The following SSBP3 variants were observed in gnomAD, a reference collection of about 807,000 sequenced individuals.
SSBP3 encodes the protein single stranded DNA binding protein 3, also known as single-stranded DNA-binding protein 3.
A neutral mutation model predicts 69.6 loss-of-function variants in SSBP3; 5 were observed. The observed-to-expected ratio is 0.07, with a 90% CI of 0.04 to 0.15. The LOEUF (loss-of-function observed/expected upper bound fraction) is 0.15. SSBP3 is among the 10% of genes least tolerant of loss of function. SSBP3 has a pLI of 1.00. For missense variants in SSBP3, 312 were observed against 534.0 expected (o/e 0.58, Z 4.10); for synonymous variants, 196 against 193.4 (o/e 1.01, Z -0.11).
intron 11 of SSBP3, 31 bp from the exon 12 acceptor site, chr1:54,241,540 C>G (rs1439527591): frequency 2.5e-6 from 4 of 1,612,692 alleles, no homozygotes; most frequent in Non-Finnish European, 3.4e-6. Flanking sequence ...AGCCCCACGT[C>G]AGAGTCACTG....
upstream of SSBP3, among the ~76,000 whole-genome samples, chr1:54,406,571 G>A (rs1271667316): frequency 6.6e-6 from 1 of 151,784 alleles, no homozygotes; most frequent in Non-Finnish European, 1.5e-5. Flanking sequence ...CCTCCGCGGA[G>A]CCGCTGCCTG....
At chr1:54,304,520 G>A (rs1285113653) in intron 4 of SSBP3, among the ~76,000 whole-genome samples, 2 of 152,194 alleles carry the variant, frequency 1.3e-5, no homozygotes, top group Non-Finnish European at 2.9e-5. Flanking sequence ...GGCTGAGTAG[G>A]GAGTTGCAGG....
At chr1:54,318,219 C>T (rs904409293) in intron 4 of SSBP3, among the ~76,000 whole-genome samples, 1 of 152,198 alleles carries the variant, frequency 6.6e-6, no homozygotes, top group Non-Finnish European at 1.5e-5. Flanking sequence ...CCAACAGGAA[C>T]CTTCTGGGAG....
At chr1:54,361,121 A>G (rs1261543193) in intron 4 of SSBP3, among the ~76,000 whole-genome samples, 2 of 152,104 alleles carry the variant, frequency 1.3e-5, no homozygotes, top group African/African-American at 4.8e-5. Context: ...TAATGCATGT[A>G]AAAGCAGTTT....
chr1:54,389,262 C>T (rs923452471), intron 4 of SSBP3, among the ~76,000 whole-genome samples: 39 of 152,248 alleles, frequency 2.6e-4, no homozygotes, highest in African/African-American at 9.1e-4. Flanking sequence ...TATTTTCAAG[C>T]CTGGAGTCCA....
chr1:54,243,343 G>A (rs373833842), intron 9 of SSBP3, 44 bp from the exon 10 acceptor site: 66 of 1,606,390 alleles, frequency 4.1e-5, no homozygotes, highest in African/African-American at 5.3e-5. Flanking sequence ...GAAGGGAACC[G>A]GAGACAGGAG....
At chr1:54,340,930 G>C (rs1455574978) in intron 4 of SSBP3, among the ~76,000 whole-genome samples, 1 of 152,226 alleles carries the variant, frequency 6.6e-6, no homozygotes. Flanking sequence ...CAGGGCAGTG[G>C]AAAGAACCAG....
intron 4 of SSBP3, among the ~76,000 whole-genome samples, chr1:54,367,152 T>C (rs1469916652): frequency 1.3e-5 from 2 of 152,184 alleles, no homozygotes; most frequent in Non-Finnish European, 2.9e-5. Flanking sequence ...TAAGGGTTAA[T>C]CCTAGTCTAC....
chr1:54,314,133 G>T (rs1037288803), intron 4 of SSBP3, among the ~76,000 whole-genome samples: 1 of 152,156 alleles, frequency 6.6e-6, no homozygotes. Context: ...AGCCAAGGGG[G>T]GCTTAGCCAA....
intron 3 of SSBP3, 75 bp from the exon 4 acceptor site, chr1:54,402,020 T>C: frequency 7.6e-7 from 1 of 1,309,914 alleles, no homozygotes; most frequent in Middle Eastern, 1.8e-4. Flanking sequence ...GCACGATGCA[T>C]GGCGCTAACA....
chr1:54,333,741 T>G (rs565442403), intron 4 of SSBP3, among the ~76,000 whole-genome samples: 6 of 152,298 alleles, frequency 3.9e-5, no homozygotes, highest in South Asian at 4.1e-4. Flanking sequence ...CTGTTTAGAA[T>G]GGTGCCTGGT....
At chr1:54,361,178 C>A (rs2100633576) in intron 4 of SSBP3, among the ~76,000 whole-genome samples, 1 of 152,314 alleles carries the variant, frequency 6.6e-6, no homozygotes, top group Admixed American at 6.5e-5. Flanking sequence ...GAGGGACCTA[C>A]TTCATTTCCA....
At chr1:54,267,752 CAT>C (rs1645126430) in intron 5 of SSBP3, among the ~76,000 whole-genome samples, 1 of 152,192 alleles carries the variant, frequency 6.6e-6, no homozygotes, top group Admixed American at 6.5e-5. Flanking sequence ...GTGGGAATCA[CAT>C]ATCTATTCTG....
At chr1:54,361,385 C>A (rs1198118472) in intron 4 of SSBP3, among the ~76,000 whole-genome samples, 1 of 152,066 alleles carries the variant, frequency 6.6e-6, no homozygotes, top group Non-Finnish European at 1.5e-5. Flanking sequence ...GGAAATTAAA[C>A]AGATAGAGGT....
chr1:54,394,573 A>C (rs1204729565), intron 4 of SSBP3, among the ~76,000 whole-genome samples: 1 of 152,138 alleles, frequency 6.6e-6, no homozygotes, highest in African/African-American at 2.4e-5. Context: ...CCGACTGATC[A>C]AGGCCTCAGG....
chr1:54,319,830 T>G (rs1557528259), intron 4 of SSBP3, among the ~76,000 whole-genome samples: 1 of 152,212 alleles, frequency 6.6e-6, no homozygotes, highest in Non-Finnish European at 1.5e-5. Context: ...ATTATTCTTT[T>G]GTTGGCCTCT....
chr1:54,315,811 G>C (rs1040388477), intron 4 of SSBP3, among the ~76,000 whole-genome samples: 1 of 151,934 alleles, frequency 6.6e-6, no homozygotes, highest in Non-Finnish European at 1.5e-5. Flanking sequence ...ACAGGCTCAC[G>C]CTACTATGCC....
intron 4 of SSBP3, among the ~76,000 whole-genome samples, chr1:54,373,339 T>C (rs1398749692): frequency 1.3e-5 from 2 of 152,120 alleles, no homozygotes; most frequent in Non-Finnish European, 2.9e-5. Flanking sequence ...TTTCCTCTTC[T>C]ATAAAAAGCG....
chr1:54,259,172 C>T (rs946833234), intron 5 of SSBP3, among the ~76,000 whole-genome samples: 14 of 152,162 alleles, frequency 9.2e-5, no homozygotes, highest in East Asian at 1.9e-4. Flanking sequence ...CCCCCTACCC[C>T]GCCCCAGAAG....
Sources: gnomAD v4.1 joint callset for allele counts (sites outside exome capture counted in the v4.1 genomes callset) on GRCh38, gnomAD v4.1.1 for gene constraint, MANE v1.5 for transcripts, NCBI Gene and HGNC (gene_info 2026-07-23, HGNC 2026-07-21) for gene names.